TCF4: variants seen among roughly 807,000 people sequenced by gnomAD.
TCF4 encodes the protein SL3-3 enhancer factor 2.
A neutral mutation model predicts 82.1 loss-of-function variants in TCF4; 3 were observed. That is an observed-to-expected ratio of 0.04 (90% CI 0.02 to 0.09). TCF4 has a LOEUF of 0.09. TCF4 is among the 10% of genes least tolerant of loss of function. The pLI, the probability that TCF4 is intolerant of heterozygous loss-of-function variation, is 1.00. For synonymous variants in TCF4, 276 were observed against 309.6 expected (o/e 0.89, Z 1.14); for missense variants, 518 against 852.7 (o/e 0.61, Z 4.89).
intron 3 of TCF4, among the ~76,000 whole-genome samples, chr18:55,537,838 A>G (rs929131613): frequency 1.3e-5 from 2 of 152,034 alleles, no homozygotes; most frequent in African/African-American, 4.8e-5. Flanking sequence ...CTCCTATATA[A>G]AGAGTTCCAC....
At chr18:55,352,909 C>T (rs2082615477) in intron 6 of TCF4, among the ~76,000 whole-genome samples, 1 of 152,102 alleles carries the variant, frequency 6.6e-6, no homozygotes, top group Non-Finnish European at 1.5e-5. Context: ...AAATCACAAC[C>T]TCCTTACAGT....
intron 5 of TCF4, among the ~76,000 whole-genome samples, chr18:55,405,766 C>T (rs1448900206): frequency 6.6e-6 from 1 of 151,996 alleles, no homozygotes; most frequent in Non-Finnish European, 1.5e-5. Context: ...AAGAAAGAGG[C>T]AGGAGGGAGA....
intron 15 of TCF4, among the ~76,000 whole-genome samples, chr18:55,243,457 C>T (rs538169763): frequency 6.6e-6 from 1 of 152,176 alleles, no homozygotes; most frequent in East Asian, 1.9e-4. Context: ...CGCAGCTATA[C>T]AGTAATAGTT....
At chr18:55,530,004 G>C (rs758169565) in intron 3 of TCF4, among the ~76,000 whole-genome samples, 1 of 152,104 alleles carries the variant, frequency 6.6e-6, no homozygotes, top group Non-Finnish European at 1.5e-5. Context: ...GTTAATTTCT[G>C]AAGAACAAAA....
At chr18:55,528,869 T>TCAA (rs1038057716) in intron 3 of TCF4, among the ~76,000 whole-genome samples, 8 of 152,224 alleles carry the variant, frequency 5.3e-5, no homozygotes, top group African/African-American at 1.2e-4. Context: ...TTCTTGACTA[T>TCAA]CAACAACAAC....
intron 3 of TCF4, among the ~76,000 whole-genome samples, chr18:55,566,878 C>A (rs955937449): frequency 2.0e-5 from 3 of 152,102 alleles, no homozygotes; most frequent in African/African-American, 7.2e-5. Context: ...GCCACAGATG[C>A]ATGAAGAACA....
At chr18:55,421,026 G>A (rs532731535) in intron 5 of TCF4, among the ~76,000 whole-genome samples, 15 of 151,998 alleles carry the variant, frequency 9.9e-5, no homozygotes, top group Admixed American at 2.6e-4. Flanking sequence ...TTGCTTACAG[G>A]TGAAATTCTA....
At chr18:55,617,774 T>G (rs572025468) in intron 2 of TCF4, among the ~76,000 whole-genome samples, 1 of 151,686 alleles carries the variant, frequency 6.6e-6, no homozygotes, top group Admixed American at 6.6e-5. Context: ...AATGCTGCTT[T>G]TGTATCCTGA....
intron 6 of TCF4, among the ~76,000 whole-genome samples, chr18:55,389,613 A>G (rs1189085609): frequency 1.3e-5 from 2 of 152,130 alleles, no homozygotes; most frequent in African/African-American, 4.8e-5. Context: ...TCTTGAGGGA[A>G]CTGCAAGCAG....
At chr18:55,407,901 G>GA (rs2094174724) in intron 5 of TCF4, among the ~76,000 whole-genome samples, 1 of 152,082 alleles carries the variant, frequency 6.6e-6, no homozygotes, top group East Asian at 1.9e-4. Flanking sequence ...TACATGAAGG[G>GA]AAAAAAATGA....
At chr18:55,294,444 G>C (rs1354463732) in intron 8 of TCF4, among the ~76,000 whole-genome samples, 1 of 152,162 alleles carries the variant, frequency 6.6e-6, no homozygotes, top group African/African-American at 2.4e-5. Flanking sequence ...AGCCAAAGTA[G>C]AAGAGAACCA....
chr18:55,323,881 A>G (rs1217468226), intron 8 of TCF4, among the ~76,000 whole-genome samples: 1 of 152,224 alleles, frequency 6.6e-6, no homozygotes, highest in Non-Finnish European at 1.5e-5. Context: ...AAAGATCTCT[A>G]AACTCTTTTG....
chr18:55,402,092 A>C, intron 6 of TCF4: 1 of 985,382 alleles, frequency 1.0e-6, no homozygotes, highest in Non-Finnish European at 1.2e-6. Flanking sequence ...AATGGCTGTA[A>C]ATTTCTTTCC....
intron 6 of TCF4, among the ~76,000 whole-genome samples, chr18:55,394,872 A>T (rs1276388027): frequency 6.6e-6 from 1 of 152,198 alleles, no homozygotes; most frequent in Non-Finnish European, 1.5e-5. Flanking sequence ...TTTTTCAAAG[A>T]ATGGGGTGCT....
chr18:55,503,577 T>C (rs560138580), intron 3 of TCF4, among the ~76,000 whole-genome samples: 11 of 152,326 alleles, frequency 7.2e-5, no homozygotes, highest in Admixed American at 3.3e-4. Flanking sequence ...TATCCACGAA[T>C]AAGTACCTAA....
intron 6 of TCF4, among the ~76,000 whole-genome samples, chr18:55,354,785 A>G (rs542588105): frequency 6.2e-4 from 95 of 152,276 alleles, no homozygotes; most frequent in Non-Finnish European, 1.0e-3. Flanking sequence ...TGCATCTAAT[A>G]GGTGAATGAC....
intron 3 of TCF4, among the ~76,000 whole-genome samples, chr18:55,503,271 TGAAAATTCGAAGTTAGAAAGCC>T (rs934967060): frequency 2.6e-5 from 4 of 152,350 alleles, no homozygotes; most frequent in East Asian, 3.8e-4. Flanking sequence ...CATGCATTCC[TGAAAATTCGAAGTTAGAAAGCC>T]GAAAATTCGA....
intron 3 of TCF4, among the ~76,000 whole-genome samples, chr18:55,582,866 C>A (rs2097588915): frequency 6.6e-6 from 1 of 152,102 alleles, no homozygotes; most frequent in Non-Finnish European, 1.5e-5. Flanking sequence ...TGGATATTAA[C>A]TTGAGGTAAA....
chr18:55,623,792 G>A (rs2097723916), intron 2 of TCF4, among the ~76,000 whole-genome samples: 1 of 152,158 alleles, frequency 6.6e-6, no homozygotes, highest in Admixed American at 6.5e-5. Context: ...AGATCCATGA[G>A]CTGAGCAGTT....
Sources: gnomAD v4.1 joint callset for allele counts (sites outside exome capture counted in the v4.1 genomes callset) on GRCh38, gnomAD v4.1.1 for gene constraint, MANE v1.5 for transcripts, NCBI Gene and HGNC (gene_info 2026-07-23, HGNC 2026-07-21) for gene names.